The following ZBTB17 variants were observed in gnomAD, a reference collection of about 807,000 sequenced individuals.
ZBTB17 encodes the protein zinc finger and BTB domain-containing protein 17.
ZBTB17 carries 24 observed loss-of-function variants against 85.1 expected under a neutral mutation model. That is an observed-to-expected ratio of 0.28 (90% confidence interval 0.20 to 0.40). ZBTB17 has a LOEUF of 0.40. Among genes scored for constraint, ZBTB17 ranks in the 10% least tolerant of loss-of-function variants. The pLI is 1.00. For missense variants in ZBTB17, 743 were observed against 1,105.1 expected (o/e 0.67, Z 4.65); for synonymous variants, 464 against 460.2 (o/e 1.01, Z -0.11).
rs914478349 is a variant in ZBTB17, at chr1:15,966,955, C to G, written c.-3+6084G>C. Among the ~76,000 whole-genome samples the G allele has an allele frequency of 6.6e-6, 1 of 151,528 alleles. No individual in the cohort carries two copies. Among genetic ancestry groups the G allele is most frequent in the South Asian group, 2.1e-4 (1 of 4,786 alleles). Reference sequence around the variant, plus strand: ...TTAATTAAAAAACAAAAAAAAAAGCCGTGGCCAGCAAAAGAAGTAGATTAT... The same window carrying G: ...TTAATTAAAAAACAAAAAAAAAAGCGGTGGCCAGCAAAAGAAGTAGATTAT... On this transcript the variant is annotated intron_variant, in intron 2 of 15. Transcript: ENST00000375743. The surrounding 1 kb of genome is among the most constrained non-coding windows in gnomAD (Gnocchi z 4.1).
chr1:15,972,768 A>G (rs950182225), intron 2 of ZBTB17, among the ~76,000 whole-genome samples: 1 of 152,212 alleles, frequency 6.6e-6, no homozygotes, highest in African/African-American at 2.4e-5. Context: ...GTTAAGGAGC[A>G]AGGAATAAAC....
intron 2 of ZBTB17, among the ~76,000 whole-genome samples, chr1:15,972,777 ACTT>A (rs2148819701): frequency 6.6e-6 from 1 of 152,326 alleles, no homozygotes; most frequent in South Asian, 2.1e-4. Flanking sequence ...CAAGGAATAA[ACTT>A]CTGTTTCCAC....
At chr1:15,971,259 A>C (rs2072638173) in intron 2 of ZBTB17, among the ~76,000 whole-genome samples, 1 of 151,312 alleles carries the variant, frequency 6.6e-6, no homozygotes, top group Non-Finnish European at 1.5e-5. Flanking sequence ...AAAAAATCAA[A>C]CACTAAGACA....
In ZBTB17 at chr1:15,944,736, GA is replaced by G; in HGVS notation, c.1030del (p.Ser344ProfsTer16). The G allele has an allele frequency of 6.2e-7, 1 of 1,611,996 alleles. No homozygotes were observed. On this transcript the variant is annotated frameshift_variant, in exon 8 of 16. Transcript: ENST00000375743. LOFTEE classifies it high-confidence loss of function. ...ATGGGCCTTGCACGCGGCCGGGTCG[GA>G]AAAGGCCTTGCTGCACTCCCGGCAC... ...FSCRECSKAF[S>X]DPAACKAHEK...
chr1:15,948,437 A>G lies in ZBTB17; in HGVS notation c.59T>C (p.Leu20Pro). The G allele has an allele frequency of 6.2e-7, 1 of 1,614,054 alleles. No individual in the cohort carries two copies. Among genetic ancestry groups the G allele is most frequent in the Non-Finnish European group, 8.5e-7 (1 of 1,180,054 alleles). Residue 20 changes from leucine to proline, a missense_variant, in exon 3 of 16, where the codon CTG becomes CCG. Physicochemically the swap from Leu to Pro is moderately conservative, Grantham distance 98 (BLOSUM62 -3). Transcript: ENST00000375743. ...VLEQLNQQRQ[L>P]GLLCDCTFVV... ...AAAGGTGCAGTCACAGAGAAGCCCC[A>G]GCTGCCGCTGCTGGTTCAGCTGTTC...
At chr1:15,957,608 G>T (rs1208572386) in intron 2 of ZBTB17, among the ~76,000 whole-genome samples, 3 of 152,136 alleles carry the variant, frequency 2.0e-5, no homozygotes, top group East Asian at 1.9e-4. Context: ...TTCCTAAAAG[G>T]CCCCTCTGAC....
At chr1:15,949,794 C>G (rs2071763046) in intron 2 of ZBTB17, among the ~76,000 whole-genome samples, 1 of 152,238 alleles carries the variant, frequency 6.6e-6, no homozygotes, top group South Asian at 2.1e-4. Context: ...CACACCAGCA[C>G]AGGTCGGCCT....
At chr1:15,948,215 G>A in intron 3 of ZBTB17, 76 bp downstream of exon 3, 1 of 1,568,614 alleles carries the variant, frequency 6.4e-7, no homozygotes, top group East Asian at 2.3e-5. Flanking sequence ...TGCTGCCCCT[G>A]GAGGGCCTAG....
At chr1:15,971,211 A>C (rs1374297071) in intron 2 of ZBTB17, among the ~76,000 whole-genome samples, 1 of 150,932 alleles carries the variant, frequency 6.6e-6, no homozygotes, top group Non-Finnish European at 1.5e-5. Flanking sequence ...AAATGTATGT[A>C]AAAATTCTGA....
rs1210003582 is a variant in ZBTB17, at chr1:15,942,575, C to T, written c.1992G>A (p.Thr664=). 26 of 1,612,450 alleles carry T rather than the reference C, an allele frequency of 1.6e-5. No homozygotes were observed. The highest frequency in any genetic ancestry group is 2.2e-5 in the Non-Finnish European group (26 of 1,180,024). Residue 664 remains threonine (T), a synonymous_variant, in exon 14 of 16, where the codon ACG becomes ACA. Coordinates refer to ENST00000375743, the MANE Select transcript of ZBTB17 (RefSeq NM_003443.3). The stretch of plus-strand genomic sequence containing the variant: ...TCGCTGCCAGTGCCTCGGTAGCCAG[C>T]GTGACCATGTCATCCACAGTGACCA... ...VSVVTVDDMV[T]LATEALAATA... is the part of the protein sequence containing the mutation.
rs780197755 is a variant in ZBTB17, at chr1:15,948,284, G to A, written c.205+7C>T. 1.4e-5 allele frequency: 23 copies of A among 1,613,704 alleles called. No individual in the cohort carries two copies. The highest frequency in any genetic ancestry group is 1.5e-5 in the Non-Finnish European group (18 of 1,180,032). On this transcript the variant is annotated splice_region_variant and intron_variant, in intron 3 of 15. Coordinates refer to ENST00000375743, the MANE Select transcript of ZBTB17 (RefSeq NM_003443.3). Reference sequence around the variant, plus strand: ...CAGCAAGCTCAGCCCCAGCCCTGACGGGGTACCTGCCGCGTTACTGATGTC... The same window carrying A: ...CAGCAAGCTCAGCCCCAGCCCTGACAGGGTACCTGCCGCGTTACTGATGTC...
At chr1:15,962,430 A>G (rs2072291510) in intron 2 of ZBTB17, among the ~76,000 whole-genome samples, 1 of 152,160 alleles carries the variant, frequency 6.6e-6, no homozygotes. Flanking sequence ...AGTCAGGGCC[A>G]GAGCTGCTGT....
chr1:15,960,427 T>C (rs1415624399), intron 2 of ZBTB17, among the ~76,000 whole-genome samples: 2 of 152,152 alleles, frequency 1.3e-5, no homozygotes, highest in East Asian at 3.8e-4. Flanking sequence ...AGAAAAAAAC[T>C]ATATAGAAAG....
At chr1:15,974,687 A>T (rs189200197) in intron 1 of ZBTB17, among the ~76,000 whole-genome samples, 1 of 151,540 alleles carries the variant, frequency 6.6e-6, no homozygotes, top group African/African-American at 2.4e-5. Flanking sequence ...CGATTCTCAT[A>T]CCTCAGCCTC....
At chr1:15,943,256 C>T (rs1448198837) in intron 12 of ZBTB17, 62 bp from the exon 13 acceptor site, 6 of 1,612,106 alleles carry the variant, frequency 3.7e-6, no homozygotes, top group Non-Finnish European at 5.1e-6. Context: ...CTGCCTCACC[C>T]TCTAGACTGA....
intron 2 of ZBTB17, among the ~76,000 whole-genome samples, chr1:15,963,367 A>C (rs191729847): frequency 2.6e-4 from 39 of 152,346 alleles, no homozygotes; most frequent in Admixed American, 2.0e-3. Flanking sequence ...AAATGTATCA[A>C]AGAACTGATA....
Position 15,953,060 on chromosome 1 carries a change from T to C in ZBTB17, c.-2-4563A>G, listed in dbSNP as rs2148780856. On this transcript the variant is annotated intron_variant, in intron 2 of 15. Coordinates refer to ENST00000375743, the MANE Select transcript of ZBTB17 (RefSeq NM_003443.3). This position sits in a 1 kb window ranked among gnomAD's most constrained non-coding sequence, Gnocchi z 5.1. The stretch of plus-strand genomic sequence containing the variant: ...GATGGGGGAGGGTAAGCAGGGGACT[T>C]CTGAGATCCTAGAAGAGTTCTCTTT... 1 of 152,314 alleles carries C rather than the reference T, an allele frequency of 6.6e-6. No individual in the cohort carries two copies. The highest frequency in any genetic ancestry group is 2.4e-5 in the African/African-American group (1 of 41,564). The allele number at this position is 152,314 out of a possible 1,614,324, so 9.4% of individuals were successfully genotyped here. A position where few individuals can be genotyped will look rare whatever the true frequency, so the allele number is the denominator to read the frequency against.
intron 5 of ZBTB17, 61 bp downstream of exon 5, chr1:15,946,093 C>T (rs764528129): frequency 5.3e-5 from 84 of 1,599,710 alleles, no homozygotes; most frequent in Non-Finnish European, 6.7e-5. Context: ...CCTCACTACC[C>T]TGTGCCCAGG....
In ZBTB17 at chr1:15,946,298, G is replaced by T. The variant is rs114107264; in HGVS notation, c.395-4C>A. On this transcript the variant is annotated splice_polypyrimidine_tract_variant and splice_region_variant and intron_variant, in intron 4 of 15. Coordinates refer to ENST00000375743, the MANE Select transcript of ZBTB17 (RefSeq NM_003443.3). ...TCTTTGGCTCTCTTGTCCCCTCCTG[G>T]AGATGGAACAGGGCAGACCTGCCGT... The T allele has an allele frequency of 1.2e-3, 2,009 of 1,611,666 alleles. 21 individuals carry two copies. In the African/African-American group the frequency reaches 0.023, roughly 19 times the overall value.
Sources: gnomAD v4.1 joint callset for allele counts (sites outside exome capture counted in the v4.1 genomes callset) on GRCh38, gnomAD v4.1.1 for gene constraint, Gnocchi (gnomAD v3.1) non-coding constraint, MANE v1.5 for transcripts, NCBI Gene and HGNC (gene_info 2026-07-23, HGNC 2026-07-21) for gene names.